Variants in ARID5B observed in about 807,000 individuals in gnomAD.
ARID5B encodes AT-rich interactive domain-containing protein 5B.
A neutral mutation model predicts 97.2 loss-of-function variants in ARID5B; 13 were observed. That is an observed-to-expected ratio of 0.13 (90% CI 0.09 to 0.21). ARID5B has a LOEUF of 0.21. Among genes scored for constraint, ARID5B ranks in the 10% least tolerant of loss-of-function variants. The probability of loss-of-function intolerance (pLI) is 1.00; values close to 1 mark genes in which losing one functional copy is unlikely to be tolerated. For missense variants in ARID5B, 1,210 were observed against 1,465.3 expected (o/e 0.83, Z 2.84); for synonymous variants, 556 against 570.3 (o/e 0.97, Z 0.36).
chr10:61,952,606 T>C (rs934876324), intron 3 of ARID5B, among the ~76,000 whole-genome samples: 2 of 152,214 alleles, frequency 1.3e-5, no homozygotes, highest in Admixed American at 6.5e-5. Flanking sequence ...GACACCTATG[T>C]GCATTTGAAG....
At chr10:61,968,187 T>TACACAC (rs33990104) in intron 3 of ARID5B, among the ~76,000 whole-genome samples, 38 of 138,278 alleles carry the variant, frequency 2.7e-4, no homozygotes, top group African/African-American at 3.3e-4. Flanking sequence ...CACATATTTA[T>TACACAC]ACACACACAC....
chr10:61,997,645 A>G (rs774273494), intron 3 of ARID5B, among the ~76,000 whole-genome samples: 3 of 152,196 alleles, frequency 2.0e-5, no homozygotes, highest in Non-Finnish European at 4.4e-5. Flanking sequence ...AGTATTTACT[A>G]TGTATGGGAG....
At chr10:61,930,085 G>T (rs968355000) in intron 2 of ARID5B, among the ~76,000 whole-genome samples, 4 of 151,944 alleles carry the variant, frequency 2.6e-5, no homozygotes, top group Admixed American at 1.3e-4. Context: ...GTGAGCACTG[G>T]AATCCCCATA....
intron 8 of ARID5B, 38 bp downstream of exon 8, chr10:62,069,835 G>T (rs1243142954): frequency 1.9e-6 from 3 of 1,594,728 alleles, no homozygotes; most frequent in Non-Finnish European, 2.6e-6. Flanking sequence ...AGTTAAAAGT[G>T]TGTTAATTGA....
At chr10:62,055,167 T>TTATTAATAAAC (rs1839839476) in intron 5 of ARID5B, among the ~76,000 whole-genome samples, 1 of 152,222 alleles carries the variant, frequency 6.6e-6, no homozygotes, top group African/African-American at 2.4e-5. Context: ...TAAGATAGGC[T>TTATTAATAAAC]TTTTAATTAG....
intron 4 of ARID5B, among the ~76,000 whole-genome samples, chr10:62,026,669 C>G (rs183257321): frequency 3.2e-4 from 49 of 152,310 alleles, no homozygotes; most frequent in Admixed American, 7.2e-4. Context: ...CCACTCTTCC[C>G]TTCTGCCTTG....
Position 62,091,668 on chromosome 10 carries a change from C to G in ARID5B, c.2205C>G (p.Thr735=). Residue 735 remains threonine, a synonymous_variant, in exon 10 of 10, where the codon ACC becomes ACG. Coordinates refer to ENST00000279873, the MANE Select transcript of ARID5B (RefSeq NM_032199.3). ...ACTTGTGTTCCAGTTTGTCCCAGAC[C>G]CACCATGGCCAAAGCACTGACCATA... ...RDDLCSSLSQ[T]HHGQSTDHMA... The G allele has an allele frequency of 6.2e-7, 1 of 1,614,112 alleles. No individual in the cohort carries two copies. The highest frequency in any genetic ancestry group is 1.1e-5 in the South Asian group (1 of 91,074).
rs777406806 is a variant in ARID5B, at chr10:62,096,569, G to A, written c.*3539G>A. 2 of 233,278 alleles carry A rather than the reference G, an allele frequency of 8.6e-6. No homozygotes were observed. Among genetic ancestry groups the A allele is most frequent in the African/African-American group, 2.2e-5 (1 of 45,326 alleles). 14.5% of individuals were successfully genotyped at this position (233,278 alleles called of 1,614,324 possible). A position where few individuals can be genotyped will look rare whatever the true frequency, so the allele number is the denominator to read the frequency against. ...ATGGTTGAAATATGTCTGAAGAATA[G>A]CAGCATAATCTCTTGGCTGTTTATA... On this transcript the variant is annotated 3_prime_UTR_variant, in exon 10 of 10. Coordinates refer to ENST00000279873, the MANE Select transcript of ARID5B (RefSeq NM_032199.3).
intron 9 of ARID5B, among the ~76,000 whole-genome samples, chr10:62,086,690 CA>C (rs747189859): frequency 0.047 from 1,124 of 23,802 alleles, 16 homozygotes; most frequent in African/African-American, 0.095. Flanking sequence ...GACTCCATCT[CA>C]AAAAAAAAAA....
chr10:61,951,846 G>A (rs1006098160), intron 3 of ARID5B, among the ~76,000 whole-genome samples: 2 of 151,800 alleles, frequency 1.3e-5, no homozygotes, highest in Admixed American at 6.6e-5. Context: ...ACTTAATTTT[G>A]TACAGAGGTA....
intron 3 of ARID5B, among the ~76,000 whole-genome samples, chr10:61,991,041 T>TATACACAC (rs1554842858): frequency 5.4e-4 from 79 of 145,156 alleles, no homozygotes; most frequent in South Asian, 5.1e-3. Flanking sequence ...ATTTATCCTG[T>TATACACAC]ACACACACAC....
intron 7 of ARID5B, among the ~76,000 whole-genome samples, chr10:62,061,282 T>C (rs1268845269): frequency 2.0e-5 from 3 of 152,152 alleles, no homozygotes; most frequent in African/African-American, 7.2e-5. Flanking sequence ...CTGAGGCCAT[T>C]TGGGAAGAAT....
chr10:62,069,973 T>G lies in ARID5B; in HGVS notation c.1199+176T>G, dbSNP rs144872938. On this transcript the variant is annotated intron_variant, in intron 8 of 9. Coordinates refer to ENST00000279873, the MANE Select transcript of ARID5B (RefSeq NM_032199.3). The stretch of plus-strand genomic sequence containing the variant: ...TTTAGGGAACATGGCTTTCTCTTGT[T>G]ACAGGGGCTAAAATTAGATGTTCTT... Among the ~76,000 whole-genome samples, 461 of 152,142 alleles carry G rather than the reference T, an allele frequency of 3.0e-3. 2 individuals carry two copies. The highest frequency in any genetic ancestry group is 0.01 in the African/African-American group (436 of 41,526).
At chr10:62,089,613 C>T (rs941896807) in intron 9 of ARID5B, among the ~76,000 whole-genome samples, 1 of 151,024 alleles carries the variant, frequency 6.6e-6, no homozygotes, top group African/African-American at 2.4e-5. Flanking sequence ...CCGCATCCTC[C>T]ACCTCTGGGG....
intron 5 of ARID5B, 134 bp from the exon 6 acceptor site, chr10:62,056,983 T>C: frequency 1.2e-6 from 1 of 805,146 alleles, no homozygotes; most frequent in South Asian, 1.8e-5. Context: ...TGAAAAGCTA[T>C]TAAAAGCAGG....
chr10:61,958,325 G>A (rs1307116681), intron 3 of ARID5B, among the ~76,000 whole-genome samples: 3 of 152,070 alleles, frequency 2.0e-5, no homozygotes, highest in Non-Finnish European at 4.4e-5. Flanking sequence ...CGCCTCCCAG[G>A]TTCAAGCAAT....
At chr10:62,012,226 C>G (rs1307325327) in intron 4 of ARID5B, among the ~76,000 whole-genome samples, 1 of 152,140 alleles carries the variant, frequency 6.6e-6, no homozygotes, top group Non-Finnish European at 1.5e-5. Context: ...TTAACCATCA[C>G]TTCACAGGGG....
chr10:61,955,215 T>C (rs1009729515), intron 3 of ARID5B, among the ~76,000 whole-genome samples: 7 of 152,176 alleles, frequency 4.6e-5, no homozygotes, highest in Admixed American at 3.3e-4. Flanking sequence ...TAAGAGCAGT[T>C]TTCCCCTCTA....
chr10:61,928,205 C>T (rs1365961538), intron 2 of ARID5B, among the ~76,000 whole-genome samples: 2 of 152,296 alleles, frequency 1.3e-5, no homozygotes, highest in South Asian at 4.1e-4. Flanking sequence ...GCTGCTCCAG[C>T]CCAGGTTCCT....
Sources: allele counts gnomAD v4.1 joint callset (sites outside exome capture counted in the v4.1 genomes callset), GRCh38; gene constraint gnomAD v4.1.1; transcripts MANE v1.5; gene names NCBI Gene and HGNC (gene_info 2026-07-23, HGNC 2026-07-21).